Variants in EGFL6 observed in about 807,000 individuals in gnomAD.
EGFL6 encodes epidermal growth factor-like protein 6.
A neutral mutation model predicts 43.1 loss-of-function variants in EGFL6; 42 were observed. The ratio of observed to expected loss-of-function variants is 0.98; its 90% CI spans 0.76 to 1.26. EGFL6 has a LOEUF of 1.26. Among genes scored for constraint, EGFL6 ranks in the 50% most tolerant of loss-of-function variants. The probability of loss-of-function intolerance (pLI) is 0.00; values close to 1 mark genes in which losing one functional copy is unlikely to be tolerated. For synonymous variants in EGFL6, 164 were observed against 163.2 expected (o/e 1.01, Z -0.04); for missense variants, 429 against 427.8 (o/e 1.00, Z -0.02).
In EGFL6 at chrX:13,589,549, T is replaced by C; in HGVS notation, c.75-7T>C. 1 of 1,199,193 alleles carries C rather than the reference T, an allele frequency of 8.3e-7. No homozygotes were observed. ...CTCAATACTAACATGTAGTTCTTTA[T>C]CTGCAGTGCAAGGCATCACGGGTTG... On this transcript the variant is annotated splice_polypyrimidine_tract_variant and splice_region_variant and intron_variant, in intron 1 of 11. Transcript: ENST00000361306.
At chrX:13,612,706 C>T (rs764794744) in intron 7 of EGFL6, among the ~76,000 whole-genome samples, 4 of 110,622 alleles carry the variant, frequency 3.6e-5, no homozygotes, top group East Asian at 2.9e-4. Flanking sequence ...GGTGGCTAGC[C>T]GGGCCAAAAT....
intron 1 of EGFL6, among the ~76,000 whole-genome samples, chrX:13,570,137 G>C (rs1032162565): frequency 2.7e-5 from 3 of 112,036 alleles, no homozygotes; most frequent in African/African-American, 9.7e-5. Context: ...GCGGGGCTTT[G>C]CACCTAGTTA....
At chrX:13,594,029 T>C (rs976799622) in intron 2 of EGFL6, among the ~76,000 whole-genome samples, 7 of 111,182 alleles carry the variant, frequency 6.3e-5, no homozygotes, top group Non-Finnish European at 1.1e-4. Flanking sequence ...CTTGATACCC[T>C]AAAAGTCTCC....
intron 1 of EGFL6, among the ~76,000 whole-genome samples, chrX:13,576,265 G>C (rs1030691866): frequency 9.0e-6 from 1 of 111,066 alleles, no homozygotes; most frequent in Non-Finnish European, 1.9e-5. Context: ...GAGCAAGGGC[G>C]GGGAAAGGTG....
At chrX:13,579,157 G>A (rs1412791871) in intron 1 of EGFL6, among the ~76,000 whole-genome samples, 5 of 109,971 alleles carry the variant, frequency 4.5e-5, no homozygotes, top group African/African-American at 1.0e-4. Flanking sequence ...ATAAATTCAC[G>A]TCATGGGGGG....
At chrX:13,571,459 C>T (rs930921990) in intron 1 of EGFL6, among the ~76,000 whole-genome samples, 9 of 111,722 alleles carry the variant, frequency 8.1e-5, no homozygotes, top group Non-Finnish European at 1.7e-4. Context: ...GCAATTTGCT[C>T]ATAATCACAT....
At chrX:13,578,493 A>G (rs1323302783) in intron 1 of EGFL6, among the ~76,000 whole-genome samples, 6 of 107,936 alleles carry the variant, frequency 5.6e-5, no homozygotes, top group East Asian at 2.9e-4. Flanking sequence ...TGTTTATTGC[A>G]GCACTATTCA....
intron 1 of EGFL6, 113 bp downstream of exon 1, chrX:13,570,048 G>A: frequency 1.4e-6 from 1 of 708,241 alleles, no homozygotes; most frequent in Middle Eastern, 3.1e-4. Flanking sequence ...GTGCACGTGT[G>A]CCTGTGCGCG....
chrX:13,620,645 C>CT (rs1370152120), intron 9 of EGFL6, among the ~76,000 whole-genome samples: 1 of 111,366 alleles, frequency 9.0e-6, no homozygotes, highest in Non-Finnish European at 1.9e-5. Flanking sequence ...CATATTTCTC[C>CT]TAAGTATTCT....
rs773206930 is a variant in EGFL6, at chrX:13,623,857, A to G, written c.1217A>G (p.His406Arg). ...LNISVDCSFN[H>R]GICDWKQDRE... is the part of the protein sequence containing the mutation. The stretch of plus-strand genomic sequence containing the variant: ...ATCTCGGTTGACTGCAGCTTCAATC[A>G]TGGGATCTGTGACTGGAAACAGGAT... Residue 406 changes from histidine (H) to arginine (R), a missense_variant, in exon 10 of 12, where the codon CAT (histidine) becomes CGT (arginine). Physicochemically the swap from His to Arg is conservative, Grantham distance 29. Transcript: ENST00000361306. The G allele has an allele frequency of 8.3e-7, 1 of 1,209,939 alleles. No homozygotes were observed. Among genetic ancestry groups the G allele is most frequent in the East Asian group, 3.0e-5 (1 of 33,825 alleles).
intron 7 of EGFL6, among the ~76,000 whole-genome samples, chrX:13,615,504 G>A (rs746749200): frequency 2.1e-4 from 24 of 111,876 alleles, no homozygotes; most frequent in African/African-American, 5.8e-4. Flanking sequence ...TTACAGTGGG[G>A]CCTCCAGAGG....
At chrX:13,628,159 G>T (rs1488985273) in intron 11 of EGFL6, among the ~76,000 whole-genome samples, 1 of 111,272 alleles carries the variant, frequency 9.0e-6, no homozygotes, top group Non-Finnish European at 1.9e-5. Flanking sequence ...ATCAAAGAGG[G>T]TATTACAAGG....
At chrX:13,597,763 A>T (rs946951996) in intron 3 of EGFL6, among the ~76,000 whole-genome samples, 2 of 109,419 alleles carry the variant, frequency 1.8e-5, no homozygotes, top group Admixed American at 1.9e-4. Context: ...CAGCCTGGGC[A>T]ACAGAGCGAG....
intron 11 of EGFL6, among the ~76,000 whole-genome samples, chrX:13,630,727 G>A (rs776286331): frequency 8.9e-6 from 1 of 112,035 alleles, no homozygotes; most frequent in Non-Finnish European, 1.9e-5. Flanking sequence ...TTTGTTCCCT[G>A]AGGTTTCTCT....
At chrX:13,572,252 C>G (rs971704850) in intron 1 of EGFL6, among the ~76,000 whole-genome samples, 13 of 111,351 alleles carry the variant, frequency 1.2e-4, no homozygotes, top group Non-Finnish European at 2.3e-4. Flanking sequence ...GAAATGTGAC[C>G]AGTCCAAGTT....
intron 4 of EGFL6, among the ~76,000 whole-genome samples, chrX:13,600,440 C>T (rs2045627578): frequency 9.3e-6 from 1 of 107,647 alleles, no homozygotes; most frequent in African/African-American, 3.4e-5. Context: ...GCACATGCCA[C>T]CACGCCTGGC....
At chrX:13,610,418 C>A (rs1293585266) in intron 7 of EGFL6, among the ~76,000 whole-genome samples, 1 of 111,395 alleles carries the variant, frequency 9.0e-6, no homozygotes, top group African/African-American at 3.3e-5. Flanking sequence ...AGACGGATTC[C>A]TGCATTGGGC....
At chrX:13,577,903 T>G (rs2045482967) in intron 1 of EGFL6, among the ~76,000 whole-genome samples, 1 of 111,972 alleles carries the variant, frequency 8.9e-6, no homozygotes, top group Non-Finnish European at 1.9e-5. Flanking sequence ...TCTGTGTTCT[T>G]TAAAGTTAAC....
At chrX:13,603,205 A>G (rs1029562347) in intron 4 of EGFL6, 112 bp from the exon 5 acceptor site, 5 of 892,684 alleles carry the variant, frequency 5.6e-6, no homozygotes, top group Non-Finnish European at 7.5e-6. Context: ...AACTTGTCCT[A>G]TAATGCCATG....
Sources: gnomAD v4.1 joint callset for allele counts (sites outside exome capture counted in the v4.1 genomes callset) on GRCh38, gnomAD v4.1.1 for gene constraint, MANE v1.5 for transcripts, NCBI Gene and HGNC (gene_info 2026-07-23, HGNC 2026-07-21) for gene names.